Variants in KCND2 observed in about 807,000 individuals in gnomAD.
The protein encoded by KCND2 is A-type voltage-gated potassium channel KCND2.
Under a neutral mutation model 54.4 loss-of-function variants are expected in KCND2, and 16 were observed. That is an observed-to-expected ratio of 0.29 (90% confidence interval 0.20 to 0.45). The LOEUF is 0.45. Among genes scored for constraint, KCND2 ranks in the 20% least tolerant of loss-of-function variants. The pLI, the probability that KCND2 is intolerant of heterozygous loss-of-function variation, is 1.00. For missense variants in KCND2, 486 were observed against 824.2 expected (o/e 0.59, Z 5.02); for synonymous variants, 317 against 310.7 (o/e 1.02, Z -0.21).
chr7:120,461,590 A>C lies in KCND2; in HGVS notation c.1115+185843A>C, dbSNP rs148261728. ...ATTTGAGACATTTAGGGATGCTGCTAAGTACTTGAGGTGCTGTTTGAAATT... is the reference window on the plus strand; with the variant it reads ...ATTTGAGACATTTAGGGATGCTGCTCAGTACTTGAGGTGCTGTTTGAAATT... On this transcript the variant is annotated intron_variant, in intron 1 of 5. Coordinates refer to ENST00000331113, the MANE Select transcript of KCND2 (RefSeq NM_012281.3). Among the ~76,000 whole-genome samples the C allele has an allele frequency of 1.2e-4, 18 of 152,228 alleles. 1 individual carries two copies. The highest frequency in any genetic ancestry group is 4.3e-4 in the African/African-American group (18 of 41,538).
chr7:120,450,861 C>G (rs1802094845), intron 1 of KCND2, among the ~76,000 whole-genome samples: 2 of 152,176 alleles, frequency 1.3e-5, no homozygotes, highest in African/African-American at 2.4e-5. Flanking sequence ...CTCTCCTACT[C>G]AGCCTTCCCT....
At chr7:120,342,678 A>G (rs1014859200) in intron 1 of KCND2, among the ~76,000 whole-genome samples, 2 of 152,180 alleles carry the variant, frequency 1.3e-5, no homozygotes, top group Non-Finnish European at 2.9e-5. Flanking sequence ...GTGTGGATAT[A>G]TAATAGCATT....
chr7:120,621,336 C>CTCTCCTA (rs1312617377), intron 1 of KCND2, among the ~76,000 whole-genome samples: 1 of 147,204 alleles, frequency 6.8e-6, no homozygotes. Context: ...CCTGGGTTCT[C>CTCTCCTA]TCTCCTATTC....
intron 2 of KCND2, among the ~76,000 whole-genome samples, chr7:120,739,228 AAGGG>A (rs772779755): frequency 6.6e-6 from 1 of 152,022 alleles, no homozygotes; most frequent in Admixed American, 6.6e-5. Flanking sequence ...TTAGAGAATG[AAGGG>A]AGGGAGGGAG....
intron 1 of KCND2, among the ~76,000 whole-genome samples, chr7:120,324,158 C>G (rs1156249019): frequency 6.6e-6 from 1 of 150,560 alleles, no homozygotes; most frequent in East Asian, 1.9e-4. Flanking sequence ...TTGTTTTTTT[C>G]TTGTAAATTT....
intron 1 of KCND2, among the ~76,000 whole-genome samples, chr7:120,693,999 G>A (rs1337222316): frequency 6.6e-6 from 1 of 152,208 alleles, no homozygotes; most frequent in Non-Finnish European, 1.5e-5. Context: ...GGAGACTGAG[G>A]CGAGAGGATG....
intron 1 of KCND2, among the ~76,000 whole-genome samples, chr7:120,406,681 C>T (rs914200394): frequency 1.3e-5 from 2 of 151,810 alleles, no homozygotes; most frequent in Admixed American, 1.3e-4. Context: ...CACATTAATG[C>T]AAAGTTAGGA....
intron 1 of KCND2, among the ~76,000 whole-genome samples, chr7:120,709,248 A>C (rs1792508558): frequency 6.6e-6 from 1 of 152,150 alleles, no homozygotes; most frequent in Non-Finnish European, 1.5e-5. Flanking sequence ...TTCTAAGTAA[A>C]GAAAACAAAA....
intron 1 of KCND2, among the ~76,000 whole-genome samples, chr7:120,479,069 A>G (rs748793336): frequency 1.8e-4 from 27 of 152,176 alleles, no homozygotes; most frequent in Non-Finnish European, 3.5e-4. Flanking sequence ...ATTGAAATTC[A>G]TGACTCACAC....
chr7:120,356,631 TAGATA>T (rs920266999), intron 1 of KCND2, among the ~76,000 whole-genome samples: 1 of 152,244 alleles, frequency 6.6e-6, no homozygotes, highest in Admixed American at 6.5e-5. Flanking sequence ...GCCATAATAT[TAGATA>T]AGTCAAGAAA....
intron 1 of KCND2, among the ~76,000 whole-genome samples, chr7:120,606,951 G>A (rs1792889368): frequency 6.6e-6 from 1 of 152,000 alleles, no homozygotes; most frequent in Admixed American, 6.6e-5. Context: ...AGCTAGCTTG[G>A]GTTTTGCTGT....
chr7:120,332,303 T>G (rs1001500320), intron 1 of KCND2, among the ~76,000 whole-genome samples: 8 of 152,118 alleles, frequency 5.3e-5, no homozygotes, highest in African/African-American at 1.9e-4. Context: ...TTCATAACTT[T>G]CAGTCTATTA....
intron 1 of KCND2, among the ~76,000 whole-genome samples, chr7:120,462,596 A>T (rs1482353648): frequency 2.6e-5 from 4 of 152,066 alleles, no homozygotes; most frequent in Non-Finnish European, 5.9e-5. Context: ...TGATTTTTAA[A>T]GTGTAATATT....
At chr7:120,398,591 G>T (rs1801195243) in intron 1 of KCND2, among the ~76,000 whole-genome samples, 1 of 152,098 alleles carries the variant, frequency 6.6e-6, no homozygotes, top group Non-Finnish European at 1.5e-5. Context: ...ACTAGTGTAA[G>T]TAGGAATTTG....
chr7:120,608,194 A>C (rs923794903), intron 1 of KCND2, among the ~76,000 whole-genome samples: 2 of 152,078 alleles, frequency 1.3e-5, no homozygotes, highest in African/African-American at 4.8e-5. Flanking sequence ...AAGATGGGAA[A>C]ATTATAAATT....
chr7:120,629,280 G>A (rs1240362790), intron 1 of KCND2, among the ~76,000 whole-genome samples: 1 of 152,232 alleles, frequency 6.6e-6, no homozygotes, highest in African/African-American at 2.4e-5. Context: ...GAGGTCAGGA[G>A]ATTGAGACTA....
intron 1 of KCND2, among the ~76,000 whole-genome samples, chr7:120,486,168 G>T (rs1238536355): frequency 6.6e-6 from 1 of 152,094 alleles, no homozygotes; most frequent in Non-Finnish European, 1.5e-5. Context: ...TAGCTCTATT[G>T]TATCCTGAAG....
At chr7:120,665,777 G>T (rs896198592) in intron 1 of KCND2, among the ~76,000 whole-genome samples, 4 of 151,900 alleles carry the variant, frequency 2.6e-5, no homozygotes, top group African/African-American at 7.2e-5. Flanking sequence ...AAGTAGATTG[G>T]ATCTTTCTGT....
intron 1 of KCND2, among the ~76,000 whole-genome samples, chr7:120,646,479 A>G (rs974814906): frequency 6.6e-6 from 1 of 152,074 alleles, no homozygotes; most frequent in African/African-American, 2.4e-5. Context: ...AATTTTGTTT[A>G]TGGTGATTTT....
Sources: allele counts gnomAD v4.1 joint callset (sites outside exome capture counted in the v4.1 genomes callset), GRCh38; gene constraint gnomAD v4.1.1; transcripts MANE v1.5; gene names NCBI Gene and HGNC (gene_info 2026-07-23, HGNC 2026-07-21).